UBAP1: variants seen among roughly 807,000 people sequenced by gnomAD.
The protein encoded by UBAP1 is ubiquitin-associated protein 1.
A neutral mutation model predicts 39.0 loss-of-function variants in UBAP1; 5 were observed. That is an observed-to-expected ratio of 0.13 (90% CI 0.07 to 0.27). UBAP1 has a LOEUF of 0.27. Among genes scored for constraint, UBAP1 ranks in the 10% least tolerant of loss-of-function variants. The pLI, the probability that UBAP1 is intolerant of heterozygous loss-of-function variation, is 1.00. For missense variants in UBAP1, 490 were observed against 608.1 expected, an observed-to-expected ratio of 0.81 and a Z score of 2.04; for synonymous variants, 211 against 225.1, an observed-to-expected ratio of 0.94 and a Z score of 0.56.
chr9:34,182,784 C>T (rs543123308), intron 1 of UBAP1, among the ~76,000 whole-genome samples: 133 of 151,754 alleles, frequency 8.8e-4, no homozygotes, highest in African/African-American at 3.0e-3. Context: ...GATCTCTGCT[C>T]ACTGCAAGCT....
chr9:34,231,127 A>ATGTGTG (rs6150983), intron 2 of UBAP1, among the ~76,000 whole-genome samples: 6,135 of 136,890 alleles, frequency 0.045, 171 homozygotes, highest in African/African-American at 0.057. Context: ...TAAAAAAATT[A>ATGTGTG]TGTGTGTGTG....
intron 1 of UBAP1, among the ~76,000 whole-genome samples, chr9:34,218,250 C>CAAAAAAAAAAAAAAAAAAAAAAAAAAA (rs758443973): frequency 4.0e-5 from 2 of 49,524 alleles, no homozygotes; most frequent in Non-Finnish European, 6.9e-5. Context: ...GACTCCATCT[C>CAAAAAAAAAAAAAAAAAAAAAAAAAAA]AAAAAAAAAA....
chr9:34,239,717 T>C (rs779967073), intron 3 of UBAP1, among the ~76,000 whole-genome samples: 8 of 152,180 alleles, frequency 5.3e-5, no homozygotes, highest in Non-Finnish European at 1.0e-4. Flanking sequence ...AATTTCTTCA[T>C]CTGTAAAGGG....
chr9:34,231,566 A>G (rs978245631), intron 2 of UBAP1, among the ~76,000 whole-genome samples: 2 of 151,722 alleles, frequency 1.3e-5, no homozygotes, highest in South Asian at 4.2e-4. Flanking sequence ...TGAGCCATAC[A>G]TTATACTGAG....
At chr9:34,211,572 G>A (rs1219792185) in intron 1 of UBAP1, among the ~76,000 whole-genome samples, 3 of 152,108 alleles carry the variant, frequency 2.0e-5, no homozygotes, top group African/African-American at 7.2e-5. Context: ...CAAAAGGAAA[G>A]GAAGTGAAAA....
At chr9:34,238,906 C>T (rs1587875250) in intron 3 of UBAP1, among the ~76,000 whole-genome samples, 1 of 152,162 alleles carries the variant, frequency 6.6e-6, no homozygotes, top group East Asian at 1.9e-4. Flanking sequence ...GGGAATTTCC[C>T]ATTTGGTCAG....
chr9:34,215,323 C>CAT lies in UBAP1; in HGVS notation c.-7-5570_-7-5569dup, dbSNP rs150254096. 9.4e-3 allele frequency among the ~76,000 whole-genome samples: 1,384 copies of CAT among 147,946 alleles called. 11 individuals are homozygous for CAT. The highest frequency in any genetic ancestry group is 0.022 in the African/African-American group (880 of 40,486). ...TGTATATAAGTATGTATATATGTGT[C>CAT]ATATATATATATATATGATGGAATA... On this transcript the variant is annotated intron_variant, in intron 1 of 6. Transcript: ENST00000297661.
At position 34,251,612 on chromosome 9, in the gene UBAP1, G is replaced by T. The variant is rs1468281681; in HGVS notation, c.*80G>T. 2.7e-6 allele frequency: 4 copies of T among 1,503,550 alleles called. No individual in the cohort carries two copies. Among genetic ancestry groups the T allele is most frequent in the Admixed American group, 4.5e-5 (2 of 44,416 alleles). The allele number at this position is 1,503,550 out of a possible 1,614,324, so 93.1% of individuals were successfully genotyped here. Reference sequence around the variant, plus strand: ...AGAGCCCACCTGTGGGGAAAGAGAAGGGGCAGCTTCCGGATTTTCTTTTGG... The same window carrying T: ...AGAGCCCACCTGTGGGGAAAGAGAATGGGCAGCTTCCGGATTTTCTTTTGG... On this transcript the variant is annotated 3_prime_UTR_variant, in exon 7 of 7. Transcript: ENST00000297661.
intron 1 of UBAP1, among the ~76,000 whole-genome samples, chr9:34,216,561 G>T (rs951382607): frequency 1.3e-5 from 2 of 151,174 alleles, no homozygotes; most frequent in African/African-American, 2.4e-5. Flanking sequence ...TGCGATCATA[G>T]CTCACTGCAG....
intron 1 of UBAP1, among the ~76,000 whole-genome samples, chr9:34,216,642 A>ATTTTT (rs57204146): frequency 1.9e-4 from 13 of 70,208 alleles, no homozygotes; most frequent in African/African-American, 2.5e-4. Context: ...CACCATGCTA[A>ATTTTT]TTTTTTTTTT....
chr9:34,206,217 C>T (rs1587820301), intron 1 of UBAP1: 1 of 152,196 alleles, frequency 6.6e-6, no homozygotes, highest in East Asian at 1.9e-4. Flanking sequence ...AGATCAGGAG[C>T]GTTCAGGGTG....
chr9:34,194,610 G>A (rs189089138), intron 1 of UBAP1, among the ~76,000 whole-genome samples: 1 of 152,170 alleles, frequency 6.6e-6, no homozygotes, highest in East Asian at 1.9e-4. Flanking sequence ...CACCGCACCT[G>A]ACCAATAAAA....
At chr9:34,246,716 A>C (rs547419687) in intron 4 of UBAP1, among the ~76,000 whole-genome samples, 199 of 152,340 alleles carry the variant, frequency 1.3e-3, no homozygotes, top group Middle Eastern at 0.01. Flanking sequence ...ACTTGGTAGA[A>C]GCTGTCTTGA....
intron 1 of UBAP1, among the ~76,000 whole-genome samples, chr9:34,211,750 T>C (rs1832029236): frequency 6.6e-6 from 1 of 152,156 alleles, no homozygotes; most frequent in Admixed American, 6.6e-5. Context: ...TTAACCCATC[T>C]CTTCTTCTTT....
intron 1 of UBAP1, among the ~76,000 whole-genome samples, chr9:34,208,492 A>T (rs550042210): frequency 1.6e-4 from 24 of 150,484 alleles, no homozygotes; most frequent in Admixed American, 5.9e-4. Flanking sequence ...AAAATAAAAA[A>T]ATTAGCCGGG....
At chr9:34,216,931 C>T (rs945778472) in intron 1 of UBAP1, among the ~76,000 whole-genome samples, 1 of 152,018 alleles carries the variant, frequency 6.6e-6, no homozygotes, top group Non-Finnish European at 1.5e-5. Flanking sequence ...AGTCACCTTA[C>T]TGTACAATAG....
chr9:34,219,058 C>G (rs961819739), intron 1 of UBAP1, among the ~76,000 whole-genome samples: 3 of 151,860 alleles, frequency 2.0e-5, no homozygotes, highest in Non-Finnish European at 4.4e-5. Flanking sequence ...AGAATACACT[C>G]TATCTCTACA....
chr9:34,186,218 G>A (rs1213729627), intron 1 of UBAP1, among the ~76,000 whole-genome samples: 1 of 152,128 alleles, frequency 6.6e-6, no homozygotes, highest in African/African-American at 2.4e-5. Flanking sequence ...AATTCTAGGA[G>A]GAAATGAATA....
chr9:34,202,722 A>G (rs564960318), intron 1 of UBAP1, among the ~76,000 whole-genome samples: 99 of 146,316 alleles, frequency 6.8e-4, no homozygotes, highest in African/African-American at 2.4e-3. Flanking sequence ...ATACAGCCCC[A>G]ATAACTGTCA....
Sources: allele counts gnomAD v4.1 joint callset (sites outside exome capture counted in the v4.1 genomes callset), GRCh38; gene constraint gnomAD v4.1.1; transcripts MANE v1.5; gene names NCBI Gene and HGNC (gene_info 2026-07-23, HGNC 2026-07-21).